The following KCTD16 variants were observed in gnomAD, a reference collection of about 807,000 sequenced individuals.
KCTD16 encodes BTB/POZ domain-containing protein KCTD16.
In KCTD16, 13 loss-of-function variants were observed where a neutral mutation model predicts 33.2. The ratio of observed to expected loss-of-function variants is 0.39; its 90% CI spans 0.25 to 0.62. The LOEUF is 0.62. Among genes scored for constraint, KCTD16 ranks in the 20% least tolerant of loss-of-function variants. KCTD16 has a pLI of 0.50. For missense variants in KCTD16, 441 were observed against 525.1 expected (o/e 0.84, Z 1.57); for synonymous variants, 197 against 195.3 (o/e 1.01, Z -0.07).
intron 3 of KCTD16, among the ~76,000 whole-genome samples, chr5:144,419,462 A>G (rs1258925281): frequency 6.6e-6 from 1 of 152,182 alleles, no homozygotes; most frequent in Non-Finnish European, 1.5e-5. Context: ...TACTCTTGTC[A>G]ACTCAATCAT....
chr5:144,247,750 A>G (rs1754589688), intron 3 of KCTD16, among the ~76,000 whole-genome samples: 1 of 152,188 alleles, frequency 6.6e-6, no homozygotes, highest in Non-Finnish European at 1.5e-5. Context: ...CTGATTATGA[A>G]CACACTTAAA....
Position 144,207,312 on chromosome 5 carries a change from T to C in KCTD16, c.598T>C (p.Leu200=). 1 of 1,614,212 alleles carries C rather than the reference T, an allele frequency of 6.2e-7. No individual in the cohort carries two copies. ...GATTTTGGTTTGTGGAAGGATTTCCTTGGCAAAAGAAGTCTTTGGAGAAAC... is the reference window on the plus strand; with the variant it reads ...GATTTTGGTTTGTGGAAGGATTTCCCTGGCAAAAGAAGTCTTTGGAGAAAC... The part of the protein sequence containing the change: ...PRILVCGRIS[L]AKEVFGETLN... The change falls in exon 3 of 4, where the codon TTG becomes CTG. Residue 200 remains leucine, a synonymous_variant. Transcript: ENST00000512467.
rs1374456630 is a variant in KCTD16 at position 144,475,214 on chromosome 5, T to C, written c.*1100T>C. 6.6e-6 allele frequency: 1 copy of C among 152,208 alleles called. No individual in the cohort carries two copies. The highest frequency in any genetic ancestry group is 6.5e-5 in the Admixed American group (1 of 15,278). 9.4% of individuals were successfully genotyped at this position (152,208 alleles called of 1,614,324 possible). ...GCCTTTTGTTTGTTTTAGAGAAAGT[T>C]GTATTCCACACACAACCTAATAATT... On this transcript the variant is annotated 3_prime_UTR_variant, in exon 4 of 4. Transcript: ENST00000512467.
chr5:144,379,378 G>T (rs1159799546), intron 3 of KCTD16, among the ~76,000 whole-genome samples: 1 of 152,138 alleles, frequency 6.6e-6, no homozygotes, highest in Admixed American at 6.6e-5. Flanking sequence ...CTTGAAATGG[G>T]TTTAGAATTG....
chr5:144,325,552 C>A (rs984326586), intron 3 of KCTD16, among the ~76,000 whole-genome samples: 1 of 152,110 alleles, frequency 6.6e-6, no homozygotes, highest in Non-Finnish European at 1.5e-5. Flanking sequence ...CAGTTCTGGG[C>A]CTTGAACAGA....
chr5:144,357,503 C>G (rs943860495), intron 3 of KCTD16, among the ~76,000 whole-genome samples: 1 of 152,156 alleles, frequency 6.6e-6, no homozygotes, highest in Non-Finnish European at 1.5e-5. Flanking sequence ...AACACTCTAG[C>G]CATCAAAGAT....
chr5:144,272,594 A>G (rs1275755997), intron 3 of KCTD16, among the ~76,000 whole-genome samples: 1 of 152,208 alleles, frequency 6.6e-6, no homozygotes, highest in African/African-American at 2.4e-5. Flanking sequence ...TAATCAAAAC[A>G]GTGTGGCACT....
chr5:144,221,082 G>T (rs1012858498), intron 3 of KCTD16, among the ~76,000 whole-genome samples: 1 of 152,206 alleles, frequency 6.6e-6, no homozygotes, highest in African/African-American at 2.4e-5. Flanking sequence ...TCCGTTGTAT[G>T]ACAGGAATGG....
intron 3 of KCTD16, among the ~76,000 whole-genome samples, chr5:144,287,147 G>A (rs1755767626): frequency 6.6e-6 from 1 of 152,122 alleles, no homozygotes; most frequent in Non-Finnish European, 1.5e-5. Context: ...AGGGAAGGAG[G>A]TTAGATGGAA....
chr5:144,207,462 T>C lies in KCTD16; in HGVS notation c.748T>C (p.Cys250Arg). The C allele has an allele frequency of 6.2e-7, 1 of 1,614,206 alleles. No homozygotes were observed. ...LSECGFHMVA[C>R]NSSVTASFIN... ...AGAGTGTGGATTCCACATGGTGGCC[T>C]GTAACTCATCGGTGACAGCATCTTT... The change falls in exon 3 of 4, where the codon TGT (cysteine) becomes CGT (arginine). Residue 250 changes from cysteine (C) to arginine (R), a missense_variant. Cys to Arg is a radical substitution (Grantham distance 180, BLOSUM62 -3). Coordinates refer to ENST00000512467, the MANE Select transcript of KCTD16 (RefSeq NM_020768.4).
chr5:144,388,857 C>T (rs1041725802), intron 3 of KCTD16, among the ~76,000 whole-genome samples: 5 of 152,030 alleles, frequency 3.3e-5, no homozygotes, highest in Admixed American at 1.3e-4. Context: ...ACTTTGTTCT[C>T]GTGAAACTCA....
chr5:144,294,909 T>A (rs1293087496), intron 3 of KCTD16, among the ~76,000 whole-genome samples: 1 of 152,194 alleles, frequency 6.6e-6, no homozygotes, highest in Admixed American at 6.5e-5. Context: ...TGAGTTCCTG[T>A]CACTGCTTCA....
intron 3 of KCTD16, among the ~76,000 whole-genome samples, chr5:144,282,073 G>A (rs1755622565): frequency 6.6e-6 from 1 of 152,166 alleles, no homozygotes; most frequent in Non-Finnish European, 1.5e-5. Flanking sequence ...GTAAGCTAGT[G>A]AGATAACTGG....
At chr5:144,438,891 A>G (rs772122202) in intron 3 of KCTD16, among the ~76,000 whole-genome samples, 1 of 152,160 alleles carries the variant, frequency 6.6e-6, no homozygotes, top group Non-Finnish European at 1.5e-5. Context: ...AAAGCCTGTA[A>G]GTCACCATCT....
chr5:144,190,651 T>C (rs1243220199), intron 2 of KCTD16, among the ~76,000 whole-genome samples: 1 of 152,208 alleles, frequency 6.6e-6, no homozygotes, highest in Non-Finnish European at 1.5e-5. Flanking sequence ...ACTTTTCCCC[T>C]ACCTCTTTCC....
intron 3 of KCTD16, among the ~76,000 whole-genome samples, chr5:144,244,478 A>C (rs1754493122): frequency 6.6e-6 from 1 of 152,204 alleles, no homozygotes; most frequent in African/African-American, 2.4e-5. Flanking sequence ...GATATATATA[A>C]AGGACAAATT....
At chr5:144,376,309 C>A (rs996807372) in intron 3 of KCTD16, among the ~76,000 whole-genome samples, 15 of 151,776 alleles carry the variant, frequency 9.9e-5, no homozygotes, top group African/African-American at 3.4e-4. Flanking sequence ...AAGGTATAGT[C>A]TTTATCAAAA....
chr5:144,274,618 A>T (rs1755392871), intron 3 of KCTD16, among the ~76,000 whole-genome samples: 1 of 151,936 alleles, frequency 6.6e-6, no homozygotes, highest in African/African-American at 2.4e-5. Context: ...TGTTGTAAGG[A>T]CTCTACCTGT....
intron 3 of KCTD16, among the ~76,000 whole-genome samples, chr5:144,469,304 T>C (rs1377492083): frequency 1.3e-5 from 2 of 152,212 alleles, no homozygotes; most frequent in Non-Finnish European, 2.9e-5. Flanking sequence ...GCGCTTGTGG[T>C]CACTCACTCA....
Sources: gnomAD v4.1 joint callset for allele counts (sites outside exome capture counted in the v4.1 genomes callset) on GRCh38, gnomAD v4.1.1 for gene constraint, MANE v1.5 for transcripts, NCBI Gene and HGNC (gene_info 2026-07-23, HGNC 2026-07-21) for gene names.